LIPI: variants seen among roughly 807,000 people sequenced by gnomAD.
LIPI encodes the protein lipase I, also known as lipase member I.
A neutral mutation model predicts 50.6 loss-of-function variants in LIPI; 59 were observed. The observed-to-expected ratio is 1.16, with a 90% confidence interval of 0.94 to 1.45. The LOEUF (loss-of-function observed/expected upper bound fraction) is 1.45. Among genes scored for constraint, LIPI ranks in the 40% most tolerant of loss-of-function variants. The pLI, the probability that LIPI is intolerant of heterozygous loss-of-function variation, is 0.00. For synonymous variants in LIPI, 203 were observed against 178.2 expected (o/e 1.14, Z -1.11); for missense variants, 586 against 536.3 (o/e 1.09, Z -0.92).
chr21:14,172,372 T>C (rs1452854375), intron 4 of LIPI, among the ~76,000 whole-genome samples: 1 of 152,226 alleles, frequency 6.6e-6, no homozygotes, highest in Non-Finnish European at 1.5e-5. Flanking sequence ...ACTGGGTATA[T>C]ACCCAAAGGA....
At chr21:14,153,856 AC>A (rs1303755338) in intron 7 of LIPI, among the ~76,000 whole-genome samples, 1 of 152,200 alleles carries the variant, frequency 6.6e-6, no homozygotes, top group African/African-American at 2.4e-5. Context: ...TCTGGGTCTT[AC>A]GTGAAAACAT....
At chr21:14,127,249 A>T (rs576671353) in intron 9 of LIPI, among the ~76,000 whole-genome samples, 3 of 152,354 alleles carry the variant, frequency 2.0e-5, no homozygotes, top group South Asian at 4.1e-4. Context: ...ATTTGGCAGT[A>T]TTAAATCTCA....
chr21:14,206,690 CAAT>C (rs1471418392), intron 1 of LIPI: 7 of 648,516 alleles, frequency 1.1e-5, no homozygotes, highest in African/African-American at 1.8e-5. Flanking sequence ...TTAACAACAA[CAAT>C]ATTAACCACA....
intron 4 of LIPI, among the ~76,000 whole-genome samples, chr21:14,169,632 G>A (rs1389229164): frequency 6.6e-6 from 1 of 152,192 alleles, no homozygotes; most frequent in Non-Finnish European, 1.5e-5. Context: ...ATAACGAAAT[G>A]AAGGCAGAAA....
At chr21:14,110,799 A>G (rs1017589952) in intron 9 of LIPI, among the ~76,000 whole-genome samples, 5 of 151,656 alleles carry the variant, frequency 3.3e-5, no homozygotes, top group East Asian at 3.8e-4. Flanking sequence ...GCTGTTGCCA[A>G]TGATGGGATT....
chr21:14,117,225 G>C lies in LIPI; in HGVS notation c.1296-8145C>G, dbSNP rs1001870426. Among the ~76,000 whole-genome samples the C allele has an allele frequency of 8.5e-5, 13 of 152,272 alleles. No homozygotes were observed. In the East Asian group the frequency reaches 1.9e-3, roughly 23 times the overall value. ...TCTTTATAAGCCCTTCTCTACTACAGACATTTTCAACTGTAAACAGCATAC... is the reference window on the plus strand; with the variant it reads ...TCTTTATAAGCCCTTCTCTACTACACACATTTTCAACTGTAAACAGCATAC... On this transcript the variant is annotated intron_variant, in intron 9 of 9. Coordinates refer to ENST00000681601, the MANE Select transcript of LIPI (RefSeq NM_001302998.2).
At chr21:14,193,866 A>G (rs578249625) in intron 1 of LIPI, among the ~76,000 whole-genome samples, 102 of 152,290 alleles carry the variant, frequency 6.7e-4, no homozygotes, top group Admixed American at 4.1e-3. Flanking sequence ...ATGTGAGAAA[A>G]TATTTATTAA....
At chr21:14,207,075 A>C (rs968937802) in intron 1 of LIPI, 11 of 632,012 alleles carry the variant, frequency 1.7e-5, no homozygotes, top group Non-Finnish European at 3.2e-5. Context: ...AGAGCCAGTT[A>C]AGACACAACA....
At chr21:14,135,646 A>G (rs2017469130) in intron 9 of LIPI, among the ~76,000 whole-genome samples, 1 of 152,184 alleles carries the variant, frequency 6.6e-6, no homozygotes. Context: ...CAATCCCAGT[A>G]GCCTAAACTT....
intron 1 of LIPI, among the ~76,000 whole-genome samples, chr21:14,200,517 G>T (rs193171558): frequency 6.6e-6 from 1 of 151,930 alleles, no homozygotes; most frequent in African/African-American, 2.4e-5. Flanking sequence ...GCCACAAAAA[G>T]AATAAAATAC....
chr21:14,190,995 A>G (rs973098562), intron 1 of LIPI, among the ~76,000 whole-genome samples: 4 of 152,320 alleles, frequency 2.6e-5, no homozygotes. Flanking sequence ...TATAATCAAC[A>G]AATATATCTA....
chr21:14,111,243 A>G (rs1325248795), intron 9 of LIPI, among the ~76,000 whole-genome samples: 2 of 151,862 alleles, frequency 1.3e-5, no homozygotes, highest in Non-Finnish European at 2.9e-5. Context: ...GTTCTCACCA[A>G]CATTTGTTAT....
chr21:14,139,539 C>G (rs1178403654), intron 9 of LIPI, among the ~76,000 whole-genome samples: 1 of 152,080 alleles, frequency 6.6e-6, no homozygotes, highest in Non-Finnish European at 1.5e-5. Context: ...TGAAATAAGT[C>G]TTTGAAGAAA....
intron 2 of LIPI, among the ~76,000 whole-genome samples, chr21:14,188,035 ACAACT>A (rs2019517218): frequency 6.6e-6 from 1 of 152,182 alleles, no homozygotes; most frequent in South Asian, 2.1e-4. Flanking sequence ...TCAGCACAAC[ACAACT>A]CAAGTTTAAA....
At chr21:14,202,747 C>G (rs2020100969) in intron 1 of LIPI, among the ~76,000 whole-genome samples, 1 of 152,126 alleles carries the variant, frequency 6.6e-6, no homozygotes, top group African/African-American at 2.4e-5. Context: ...AAAACCTAGG[C>G]CATACCATTC....
intron 1 of LIPI, among the ~76,000 whole-genome samples, chr21:14,191,116 T>C (rs1229642802): frequency 1.3e-5 from 2 of 151,868 alleles, no homozygotes; most frequent in Non-Finnish European, 2.9e-5. Flanking sequence ...TGGTGGTGCA[T>C]GCCTGTAATC....
chr21:14,177,023 CTA>C (rs1277465853), intron 4 of LIPI, among the ~76,000 whole-genome samples: 1 of 151,948 alleles, frequency 6.6e-6, no homozygotes, highest in Non-Finnish European at 1.5e-5. Context: ...GTGTAATGTT[CTA>C]TAAATGTCTA....
chr21:14,158,781 G>C (rs1313970055), intron 7 of LIPI, among the ~76,000 whole-genome samples: 1 of 150,062 alleles, frequency 6.7e-6, no homozygotes, highest in Non-Finnish European at 1.5e-5. Flanking sequence ...AAAGAATCAA[G>C]ACACAAATCA....
chr21:14,125,069 T>A (rs1337324115), intron 9 of LIPI, among the ~76,000 whole-genome samples: 3 of 150,708 alleles, frequency 2.0e-5, no homozygotes, highest in African/African-American at 7.5e-5. Context: ...TTGAAGACAT[T>A]TTTAGACACT....
Sources: gnomAD v4.1 joint callset for allele counts (sites outside exome capture counted in the v4.1 genomes callset) on GRCh38, gnomAD v4.1.1 for gene constraint, MANE v1.5 for transcripts, NCBI Gene and HGNC (gene_info 2026-07-23, HGNC 2026-07-21) for gene names.